Variants in RBM26 observed in about 807,000 individuals in gnomAD.
RBM26 encodes the protein RNA binding motif protein 26.
A neutral mutation model predicts 123.6 loss-of-function variants in RBM26; 30 were observed. The observed-to-expected ratio is 0.24, with a 90% CI of 0.18 to 0.33. RBM26 has a LOEUF of 0.33. RBM26 is among the 10% of genes least tolerant of loss of function. RBM26 has a pLI of 1.00. For synonymous variants in RBM26, 400 were observed against 404.4 expected (o/e 0.99, Z 0.13); for missense variants, 947 against 1,203.6 (o/e 0.79, Z 3.15).
Position 79,353,184 on chromosome 13 carries a change from AC to A in RBM26, c.2026del (p.Val676TyrfsTer19). 6.3e-7 allele frequency: 1 copy of A among 1,592,964 alleles called. No homozygotes were observed. The highest frequency in any genetic ancestry group is 8.6e-7 in the Non-Finnish European group (1 of 1,168,814). On this transcript the variant is annotated frameshift_variant, in exon 14 of 22. Coordinates refer to ENST00000438737, the MANE Select transcript of RBM26 (RefSeq NM_001366735.2). LOFTEE classifies it high-confidence loss of function. Reference protein sequence around the residue: ...KLSVKDRLGFVSKPSVSATEK... With the variant: ...KLSVKDRLGFXSKPSVSATEK... ...AGTTGCTGAAACAGATGGCTTTGATACAAAACCCAACCTGTCCTTCACAGAT... is the reference window on the plus strand; with the variant it reads ...AGTTGCTGAAACAGATGGCTTTGATAAAAACCCAACCTGTCCTTCACAGAT...
chr13:79,352,166 AT>A (rs2073332655), intron 14 of RBM26, among the ~76,000 whole-genome samples: 1 of 152,172 alleles, frequency 6.6e-6, no homozygotes, highest in South Asian at 2.1e-4. Flanking sequence ...AACATTGTAA[AT>A]AAAGAAAATA....
chr13:79,393,843 G>T (rs1316400261), intron 1 of RBM26, among the ~76,000 whole-genome samples: 1 of 152,118 alleles, frequency 6.6e-6, no homozygotes, highest in African/African-American at 2.4e-5. Context: ...GCAGTGCTTG[G>T]GGTTTCCTGT....
At chr13:79,340,826 T>A (rs920244750) in intron 18 of RBM26, among the ~76,000 whole-genome samples, 1 of 151,902 alleles carries the variant, frequency 6.6e-6, no homozygotes, top group Admixed American at 6.6e-5. Flanking sequence ...TTATTATAAG[T>A]TTTCTATTCC....
chr13:79,397,836 A>G (rs1029079126), intron 1 of RBM26, among the ~76,000 whole-genome samples: 1 of 152,122 alleles, frequency 6.6e-6, no homozygotes, highest in East Asian at 1.9e-4. Flanking sequence ...TTCAACGTCA[A>G]TATACAAATA....
chr13:79,329,621 A>G (rs2068980038), intron 20 of RBM26, among the ~76,000 whole-genome samples: 1 of 152,154 alleles, frequency 6.6e-6, no homozygotes, highest in Non-Finnish European at 1.5e-5. Flanking sequence ...TCTCCTGGCC[A>G]AAGATGGAAT....
intron 3 of RBM26, among the ~76,000 whole-genome samples, chr13:79,372,761 T>C (rs1451669287): frequency 2.4e-5 from 3 of 124,606 alleles, no homozygotes; most frequent in East Asian, 4.5e-4. Context: ...ATTTATTATA[T>C]ATTTTATATT....
downstream of RBM26, among the ~76,000 whole-genome samples, chr13:79,318,078 G>C (rs1195805282): frequency 6.6e-6 from 1 of 151,444 alleles, no homozygotes; most frequent in African/African-American, 2.4e-5. Flanking sequence ...CTGTAACAGA[G>C]ATATGAACAA....
At chr13:79,343,595 T>C (rs1269207919) in intron 16 of RBM26, among the ~76,000 whole-genome samples, 1 of 151,876 alleles carries the variant, frequency 6.6e-6, no homozygotes, top group Non-Finnish European at 1.5e-5. Context: ...TTAAATGTCA[T>C]AAATTAGAGT....
chr13:79,369,551 G>A (rs929011897), intron 5 of RBM26, among the ~76,000 whole-genome samples: 3 of 152,100 alleles, frequency 2.0e-5, no homozygotes, highest in African/African-American at 7.2e-5. Flanking sequence ...GATCACAGCA[G>A]GGGAAAATTT....
rs2079210177 is a variant in RBM26, at chr13:79,403,308, G to A, written c.71+2396C>T. On this transcript the variant is annotated intron_variant, in intron 1 of 21. Coordinates refer to ENST00000438737, the MANE Select transcript of RBM26 (RefSeq NM_001366735.2). Reference sequence around the variant, plus strand: ...ACCAATTACAATTCCCAGTGTCTAGGCTCTACTAGCAGAGCCTTATTTATT... The same window carrying A: ...ACCAATTACAATTCCCAGTGTCTAGACTCTACTAGCAGAGCCTTATTTATT... Among the ~76,000 whole-genome samples, 3 of 152,098 alleles carry A rather than the reference G, an allele frequency of 2.0e-5. No individual in the cohort carries two copies. The South Asian group carries it at 6.2e-4, about 32-fold the overall frequency.
downstream of RBM26, chr13:79,314,835 TA>T: frequency 2.2e-6 from 1 of 449,716 alleles, no homozygotes; most frequent in Non-Finnish European, 4.0e-6. Flanking sequence ...ACTGTAGAGA[TA>T]AAATGCTAAT....
At chr13:79,377,013 T>G (rs1295825701) in intron 3 of RBM26, 2 of 178,286 alleles carry the variant, frequency 1.1e-5, no homozygotes, top group African/African-American at 4.7e-5. Context: ...CAGTTCCAAA[T>G]AAGAACGCAG....
intron 18 of RBM26, among the ~76,000 whole-genome samples, chr13:79,340,441 A>G (rs764607434): frequency 6.6e-6 from 1 of 152,108 alleles, no homozygotes; most frequent in Non-Finnish European, 1.5e-5. Context: ...TAAATAATCT[A>G]AAGTATAAAA....
chr13:79,330,321 A>G (rs1403727578), intron 20 of RBM26, among the ~76,000 whole-genome samples: 4 of 152,216 alleles, frequency 2.6e-5, no homozygotes, highest in African/African-American at 9.6e-5. Flanking sequence ...ATGAAAAGTA[A>G]TTGTGGATTC....
intron 14 of RBM26, among the ~76,000 whole-genome samples, chr13:79,352,833 C>A (rs1477160001): frequency 6.6e-6 from 1 of 152,068 alleles, no homozygotes; most frequent in Non-Finnish European, 1.5e-5. Context: ...CTAATCATGG[C>A]CCTTTCTATT....
chr13:79,399,409 A>G (rs1037002414), intron 1 of RBM26, among the ~76,000 whole-genome samples: 2 of 152,210 alleles, frequency 1.3e-5, no homozygotes, highest in African/African-American at 4.8e-5. Flanking sequence ...GCCCACTACT[A>G]ATCTTCAGAA....
chr13:79,344,635 C>T, intron 15 of RBM26, 34 bp downstream of exon 15: 2 of 1,583,400 alleles, frequency 1.3e-6, no homozygotes, highest in Non-Finnish European at 1.7e-6. Context: ...TTCCTATATG[C>T]AAAAATTTTT....
chr13:79,322,421 T>C lies in RBM26; in HGVS notation c.2862A>G (p.Lys954=), dbSNP rs544879685. ...HGARFKGQDL[K]LAWNKPVTNI... is the part of the protein sequence containing the mutation. ...TAGTTACTGGTTTATTCCATGCCAG[T>C]TTTAGATCTTGCCCTTTGAAACGAG... is the stretch of plus-strand genomic sequence containing the variant. The change falls in exon 21 of 22, where the codon AAA becomes AAG. Residue 954 remains lysine (K), a synonymous_variant. Transcript: ENST00000438737. The C allele has an allele frequency of 6.3e-7, 1 of 1,582,038 alleles. No individual in the cohort carries two copies. The highest frequency in any genetic ancestry group is 1.4e-5 in the African/African-American group (1 of 72,492).
chr13:79,319,950 T>TTTTTTC lies in RBM26; in HGVS notation c.*670_*671insGAAAAA. ...TTAAATCAAGGAACATTGTCTTGGC[T>TTTTTTC]TTTTTTTTTTTTTTTTTTTTGTCAT... On this transcript the variant is annotated 3_prime_UTR_variant, in exon 22 of 22. Coordinates refer to ENST00000438737, the MANE Select transcript of RBM26 (RefSeq NM_001366735.2). 1 of 94,424 alleles carries TTTTTTC rather than the reference T, an allele frequency of 1.1e-5. No individual in the cohort carries two copies. The highest frequency in any genetic ancestry group is 5.3e-4 in the South Asian group (1 of 1,872). 5.8% of individuals were successfully genotyped at this position (94,424 alleles called of 1,614,324 possible). A position where few individuals can be genotyped will look rare whatever the true frequency, so the allele number is the denominator to read the frequency against.
Sources: allele counts gnomAD v4.1 joint callset (sites outside exome capture counted in the v4.1 genomes callset), GRCh38; gene constraint gnomAD v4.1.1; transcripts MANE v1.5; gene names NCBI Gene and HGNC (gene_info 2026-07-23, HGNC 2026-07-21).